Variants in DEUP1 observed in about 807,000 individuals in gnomAD.
DEUP1 encodes deuterosome assembly protein 1.
In DEUP1, 82 loss-of-function variants were observed where a neutral mutation model predicts 87.4. That is an observed-to-expected ratio of 0.94 (90% CI 0.78 to 1.13). The LOEUF is 1.13. Among genes scored for constraint, DEUP1 ranks in the 50% most tolerant of loss-of-function variants. The pLI is 0.00. For synonymous variants in DEUP1, 214 were observed against 222.7 expected, an observed-to-expected ratio of 0.96 and a Z score of 0.35; for missense variants, 663 against 681.5, an observed-to-expected ratio of 0.97 and a Z score of 0.30.
At chr11:93,364,398 A>G (rs1833808145) in intron 5 of DEUP1, 104 bp downstream of exon 5, 3 of 991,854 alleles carry the variant, frequency 3.0e-6, no homozygotes, top group Non-Finnish European at 4.6e-6. Flanking sequence ...AGTTGTGGTA[A>G]TAAACACTAT....
chr11:93,368,868 A>G (rs766374691), intron 5 of DEUP1, among the ~76,000 whole-genome samples: 10 of 152,148 alleles, frequency 6.6e-5, no homozygotes, highest in Admixed American at 2.0e-4. Flanking sequence ...CCTGGGAGGT[A>G]GAGGTTGCAG....
At chr11:93,410,514 T>C (rs895709573) in intron 12 of DEUP1, among the ~76,000 whole-genome samples, 8 of 152,220 alleles carry the variant, frequency 5.3e-5, no homozygotes, top group African/African-American at 1.2e-4. Context: ...ATGACTCCCA[T>C]GTACTGTATA....
intron 2 of DEUP1, among the ~76,000 whole-genome samples, chr11:93,344,431 T>C (rs891124260): frequency 6.6e-6 from 1 of 151,918 alleles, no homozygotes; most frequent in Non-Finnish European, 1.5e-5. Context: ...CTTTGAAAAC[T>C]CATTTTCATA....
At chr11:93,401,432 G>GA (rs1333763883) in intron 11 of DEUP1, among the ~76,000 whole-genome samples, 8 of 151,520 alleles carry the variant, frequency 5.3e-5, no homozygotes, top group South Asian at 2.1e-4. Context: ...CAAAGAAATA[G>GA]AAAAAAAACT....
At chr11:93,355,280 A>T in intron 2 of DEUP1, 91 bp from the exon 3 acceptor site, 1 of 1,089,488 alleles carries the variant, frequency 9.2e-7, no homozygotes, top group East Asian at 2.4e-5. Flanking sequence ...TTCAGGAAAT[A>T]ATGTTCAAGC....
intron 7 of DEUP1, among the ~76,000 whole-genome samples, chr11:93,371,830 A>G (rs539836265): frequency 4.6e-5 from 7 of 152,294 alleles, no homozygotes; most frequent in African/African-American, 1.7e-4. Context: ...TTAACTGAAT[A>G]ATGTTTTTTT....
chr11:93,369,929 CAAAAA>C, intron 5 of DEUP1, 139 bp from the exon 6 acceptor site: 61 of 18,424 alleles, frequency 3.3e-3, no homozygotes, highest in Non-Finnish European at 3.6e-3. Context: ...GACTCCGTCT[CAAAAA>C]AAAAAAAAAA....
intron 11 of DEUP1, among the ~76,000 whole-genome samples, chr11:93,403,140 A>G (rs1372062826): frequency 1.3e-5 from 2 of 151,998 alleles, no homozygotes; most frequent in Non-Finnish European, 2.9e-5. Flanking sequence ...TTGTGGATCA[A>G]TAAAAGAAGA....
chr11:93,377,561 A>G (rs971869645), intron 7 of DEUP1, among the ~76,000 whole-genome samples: 1 of 152,098 alleles, frequency 6.6e-6, no homozygotes, highest in Admixed American at 6.5e-5. Flanking sequence ...GTGAATTCTT[A>G]TCCATTCTGC....
intron 7 of DEUP1, among the ~76,000 whole-genome samples, chr11:93,371,931 C>CT (rs72050582): frequency 0.016 from 2,204 of 139,580 alleles, 101 homozygotes; most frequent in East Asian, 0.14. Context: ...ATATGTATTT[C>CT]TTTTTTTTTT....
At chr11:93,393,895 G>A (rs781347884) in intron 9 of DEUP1, among the ~76,000 whole-genome samples, 13 of 152,164 alleles carry the variant, frequency 8.5e-5, no homozygotes, top group Non-Finnish European at 1.8e-4. Flanking sequence ...TAACATGGAA[G>A]CTTAGCCAAG....
At chr11:93,334,491 T>C (rs1943648467) in intron 2 of DEUP1, among the ~76,000 whole-genome samples, 1 of 152,144 alleles carries the variant, frequency 6.6e-6, no homozygotes, top group Admixed American at 6.5e-5. Context: ...TATGGTGATA[T>C]GAAGAAAAAT....
chr11:93,403,598 G>T lies in DEUP1; in HGVS notation c.1327-4633G>T, dbSNP rs1339115127. Among the ~76,000 whole-genome samples the T allele has an allele frequency of 2.6e-5, 4 of 151,618 alleles. No homozygotes were observed. The East Asian group carries it at 7.7e-4, about 29-fold the overall frequency. ...TTTTTGTCTTAACTCTGACTCACAA[G>T]TGATTTATTTTATTAGCATTTAAAA... On this transcript the variant is annotated intron_variant, in intron 11 of 13. Coordinates refer to ENST00000298050, the MANE Select transcript of DEUP1 (RefSeq NM_181645.4).
intron 13 of DEUP1, among the ~76,000 whole-genome samples, chr11:93,430,048 T>C (rs1468823014): frequency 6.6e-6 from 1 of 152,148 alleles, no homozygotes; most frequent in Non-Finnish European, 1.5e-5. Context: ...AAATGCACAT[T>C]CTGAAGTATT....
At chr11:93,383,458 T>C in intron 7 of DEUP1, 1 of 501,330 alleles carries the variant, frequency 2.0e-6, no homozygotes, top group Non-Finnish European at 3.5e-6. Context: ...TGCTAGGAGC[T>C]GGAGGAAGGG....
intron 2 of DEUP1, among the ~76,000 whole-genome samples, chr11:93,345,058 A>G (rs1040384365): frequency 3.5e-4 from 53 of 152,038 alleles, no homozygotes; most frequent in Non-Finnish European, 5.7e-4. Context: ...CCTTCTATGT[A>G]TCCATGTGTT....
At chr11:93,418,858 AATG>A (rs892726181) in intron 13 of DEUP1, among the ~76,000 whole-genome samples, 167 of 152,300 alleles carry the variant, frequency 1.1e-3, no homozygotes, top group African/African-American at 3.7e-3. Flanking sequence ...AGCCATAAAA[AATG>A]ATGAGTTCAT....
At chr11:93,420,295 C>T (rs1186830746) in intron 13 of DEUP1, among the ~76,000 whole-genome samples, 1 of 152,000 alleles carries the variant, frequency 6.6e-6, no homozygotes, top group Non-Finnish European at 1.5e-5. Context: ...AGCATATAAA[C>T]AGAACCAAAG....
intron 13 of DEUP1, among the ~76,000 whole-genome samples, chr11:93,418,581 G>T (rs1355286076): frequency 6.6e-6 from 1 of 151,498 alleles, no homozygotes; most frequent in Non-Finnish European, 1.5e-5. Flanking sequence ...TACACTGTTG[G>T]TGGGACTGTA....
Sources: gnomAD v4.1 joint callset for allele counts (sites outside exome capture counted in the v4.1 genomes callset) on GRCh38, gnomAD v4.1.1 for gene constraint, MANE v1.5 for transcripts, NCBI Gene and HGNC (gene_info 2026-07-23, HGNC 2026-07-21) for gene names.